ADAM11: variants seen among roughly 807,000 people sequenced by gnomAD.
The protein encoded by ADAM11 is ADAM metallopeptidase domain 11.
In ADAM11, 49 loss-of-function variants were observed where a neutral mutation model predicts 119.1. The ratio of observed to expected loss-of-function variants is 0.41; its 90% CI spans 0.33 to 0.52. ADAM11 has a LOEUF of 0.52. Ranked by LOEUF, ADAM11 falls within the 20% of genes least tolerant of loss-of-function variation. ADAM11 has a pLI of 0.20. For synonymous variants in ADAM11, 364 were observed against 408.0 expected, an observed-to-expected ratio of 0.89 and a Z score of 1.30; for missense variants, 777 against 1,047.5, an observed-to-expected ratio of 0.74 and a Z score of 3.56.
Position 44,777,166 on chromosome 17 carries a change from C to A in ADAM11, c.1682C>A (p.Ala561Glu), listed in dbSNP as rs369212131. The A allele has an allele frequency of 6.3e-7, 1 of 1,597,564 alleles. No homozygotes were observed. The highest frequency in any genetic ancestry group is 1.3e-5 in the African/African-American group (1 of 74,760). Residue 561 changes from alanine to glutamate, a missense_variant and splice_region_variant, in exon 21 of 27, where the codon GCG becomes GAG. Physicochemically the swap from Ala to Glu is moderately radical, Grantham distance 107 (BLOSUM62 -1). Transcript: ENST00000200557. The surrounding 1 kb of genome is among the most constrained non-coding windows in gnomAD (Gnocchi z 5.1). ...GTCACTTGGCATCCTCTCCCCACAG[C>A]GGCTGCTGATCGCTTCTGCTACGAG... Reference protein sequence around the residue: ...DRQCQVLWGHAAADRFCYEKL... With the variant: ...DRQCQVLWGHEAADRFCYEKL...
chr17:44,780,431 C>T lies in ADAM11; in HGVS notation c.*677C>T, dbSNP rs1030553904. 7 of 314,940 alleles carry T rather than the reference C, an allele frequency of 2.2e-5. No individual in the cohort carries two copies. In the Admixed American group the frequency reaches 3.5e-4, roughly 16 times the overall value. The allele number at this position is 314,940 out of a possible 1,614,324, so 19.5% of individuals were successfully genotyped here. Reference sequence around the variant, plus strand: ...GAGGAAGTATGAGTGCTGATTCAAACCAAAGCTGCCTGTGCCATGCCCAAG... The same window carrying T: ...GAGGAAGTATGAGTGCTGATTCAAATCAAAGCTGCCTGTGCCATGCCCAAG... On this transcript the variant is annotated 3_prime_UTR_variant, in exon 27 of 27. Transcript: ENST00000200557.
At chr17:44,760,031 G>T (rs572501986) in intron 2 of ADAM11, 134 bp downstream of exon 2, 3 of 930,222 alleles carry the variant, frequency 3.2e-6, no homozygotes, top group Non-Finnish European at 4.2e-6. Context: ...TGGGCTATCC[G>T]GTGGGTGCTG....
At chr17:44,774,049 C>T (rs1254833187) in intron 11 of ADAM11, among the ~76,000 whole-genome samples, 1 of 152,028 alleles carries the variant, frequency 6.6e-6, no homozygotes, top group East Asian at 1.9e-4. Flanking sequence ...TGAGATGGTG[C>T]CACTGCACTC....
In ADAM11 at chr17:44,772,965, G is replaced by C. The variant is rs752629348; in HGVS notation, c.753+34G>C. On this transcript the variant is annotated intron_variant, in intron 9 of 26. Coordinates refer to ENST00000200557, the MANE Select transcript of ADAM11 (RefSeq NM_002390.6). This position sits in a 1 kb window ranked among gnomAD's most constrained non-coding sequence, Gnocchi z 4.5. Reference sequence around the variant, plus strand: ...CAGGGCAGGGACAGGGCGTGACACTGGGAGGCCCCTGAGGAGCCTGGCCCT... The same window carrying C: ...CAGGGCAGGGACAGGGCGTGACACTCGGAGGCCCCTGAGGAGCCTGGCCCT... 1 of 1,614,074 alleles carries C rather than the reference G, an allele frequency of 6.2e-7. No homozygotes were observed. The highest frequency in any genetic ancestry group is 8.5e-7 in the Non-Finnish European group (1 of 1,179,952).
At position 44,779,807 on chromosome 17, in the gene ADAM11, C is replaced by T. The variant is rs143360647; in HGVS notation, c.*53C>T. ...CACCCACCGTCTCGGCCCTGAACCA[C>T]GAGGCTGCCCCCATCCAGCCACGGA... is the stretch of plus-strand genomic sequence containing the variant. On this transcript the variant is annotated 3_prime_UTR_variant, in exon 27 of 27. Transcript: ENST00000200557. 47,866 of 1,605,208 alleles carry T rather than the reference C, an allele frequency of 0.03. 842 individuals are homozygous for T. The highest frequency in any genetic ancestry group is 0.035 in the Non-Finnish European group (40,779 of 1,172,956).
At chr17:44,766,424 G>A (rs1432566286) in intron 2 of ADAM11, among the ~76,000 whole-genome samples, 1 of 152,222 alleles carries the variant, frequency 6.6e-6, no homozygotes, top group East Asian at 1.9e-4. Context: ...TTTTCTGTCT[G>A]CACCCCGCAT....
Position 44,759,198 on chromosome 17 carries a change from C to G in ADAM11, c.-2C>G. Reference sequence around the variant, plus strand: ...CCCCGGACCGGGAGGAATGAGCGAGCCATGAGGCTGCTGCGGCGCTGGGCG... The same window carrying G: ...CCCCGGACCGGGAGGAATGAGCGAGGCATGAGGCTGCTGCGGCGCTGGGCG... On this transcript the variant is annotated 5_prime_UTR_variant, in exon 1 of 27. Transcript: ENST00000200557. 1 of 1,411,246 alleles carries G rather than the reference C, an allele frequency of 7.1e-7. No homozygotes were observed. The highest frequency in any genetic ancestry group is 1.5e-5 in the African/African-American group (1 of 66,572). 87.4% of individuals were successfully genotyped at this position (1,411,246 alleles called of 1,614,324 possible).
intron 4 of ADAM11, 36 bp downstream of exon 4, chr17:44,770,084 G>C: frequency 6.2e-7 from 1 of 1,609,138 alleles, no homozygotes; most frequent in Non-Finnish European, 8.5e-7. Flanking sequence ...GCCGGGGATG[G>C]AAGGGAGGTG....
At chr17:44,759,426 T>G in intron 1 of ADAM11, 166 bp downstream of exon 1, 1 of 1,250,140 alleles carries the variant, frequency 8.0e-7, no homozygotes, top group South Asian at 3.1e-5. Flanking sequence ...TCCACCCACC[T>G]GTCCCCAGCT....
Position 44,771,630 on chromosome 17 carries a change from C to G in ADAM11, c.428C>G (p.Pro143Arg). ...CYYQGKLRGN[P>R]HSFAALSTCQ... ...TACCAGGGGAAGCTCCGGGGGAACC[C>G]GCACTCCTTCGCCGCCCTCTCCACC... The change falls in exon 5 of 27, where the codon CCG becomes CGG. Residue 143 changes from proline to arginine, a missense_variant. Pro to Arg is a moderately radical substitution (Grantham distance 103). This residue lies in a region of ADAM11 where 278 missense variants were observed against 310.1 expected (regional missense o/e 0.90). Transcript: ENST00000200557. The G allele has an allele frequency of 6.2e-7, 1 of 1,611,536 alleles. No homozygotes were observed. Among genetic ancestry groups the G allele is most frequent in the Non-Finnish European group, 8.5e-7 (1 of 1,179,350 alleles).
Position 44,769,989 on chromosome 17 carries a change from C to T in ADAM11, c.322C>T (p.Leu108Phe), listed in dbSNP as rs755443685. 3 of 1,614,026 alleles carry T rather than the reference C, an allele frequency of 1.9e-6. No individual in the cohort carries two copies. The East Asian group carries it at 6.7e-5, about 36-fold the overall frequency. ...CTGCCCCCTCTGTCTCAGCCACCTCCTCTCCTCGCAATACGTGGAGCGCCA... is the reference window on the plus strand; with the variant it reads ...CTGCCCCCTCTGTCTCAGCCACCTCTTCTCCTCGCAATACGTGGAGCGCCA... ...TLDLELNHHLLSSQYVERHFS... is the reference protein window; with the variant it reads ...TLDLELNHHLFSSQYVERHFS... Residue 108 changes from leucine to phenylalanine, a missense_variant, in exon 4 of 27, where the codon CTC (leucine) becomes TTC (phenylalanine). Around this residue, in one of 4 missense-constraint regions of ADAM11, gnomAD observed 278 missense variants for 310.1 expected, o/e 0.90. Coordinates refer to ENST00000200557, the MANE Select transcript of ADAM11 (RefSeq NM_002390.6).
Position 44,772,943 on chromosome 17 carries a change from G to A in ADAM11, c.753+12G>A. 2 of 1,614,148 alleles carry A rather than the reference G, an allele frequency of 1.2e-6. No individual in the cohort carries two copies. The highest frequency in any genetic ancestry group is 1.1e-5 in the South Asian group (1 of 91,088). ...ACGACCACCAGCTGGTGAGTGCCAG[G>A]GCAGGGACAGGGCGTGACACTGGGA... On this transcript the variant is annotated intron_variant, in intron 9 of 26. Coordinates refer to ENST00000200557, the MANE Select transcript of ADAM11 (RefSeq NM_002390.6). The surrounding 1 kb of genome is among the most constrained non-coding windows in gnomAD (Gnocchi z 4.5).
At chr17:44,778,860 A>C (rs2049647924) in intron 25 of ADAM11, among the ~76,000 whole-genome samples, 1 of 152,102 alleles carries the variant, frequency 6.6e-6, no homozygotes. Flanking sequence ...GGAGCTGGGC[A>C]GGGGCCACCC....
At chr17:44,771,544 G>A in intron 4 of ADAM11, 40 bp from the exon 5 acceptor site, 1 of 1,600,354 alleles carries the variant, frequency 6.2e-7, no homozygotes, top group South Asian at 1.1e-5. Flanking sequence ...GCTGCCCCCG[G>A]CCTCATGCCA....
chr17:44,776,918 G>C lies in ADAM11; in HGVS notation c.1637G>C (p.Arg546Pro). 1 of 1,613,310 alleles carries C rather than the reference G, an allele frequency of 6.2e-7. No individual in the cohort carries two copies. Residue 546 changes from arginine (R) to proline (P), a missense_variant, in exon 20 of 27, where the codon CGC (arginine) becomes CCC (proline). By Grantham distance (103) the Arg-to-Pro change is moderately radical. Coordinates refer to ENST00000200557, the MANE Select transcript of ADAM11 (RefSeq NM_002390.6). This position sits in a 1 kb window ranked among gnomAD's most constrained non-coding sequence, Gnocchi z 5.2. ...TCTCAGGGCCGCTGCTACGGAGGTC[G>C]CTGCAAAACCCGGGACCGGCAGTGC... Reference protein sequence around the residue: ...DHEQGRCYGGRCKTRDRQCQV... With the variant: ...DHEQGRCYGGPCKTRDRQCQV...
chr17:44,778,688 CAAAAAA>C (rs566515861), intron 25 of ADAM11, among the ~76,000 whole-genome samples: 166 of 52,414 alleles, frequency 3.2e-3, no homozygotes, highest in African/African-American at 0.011. Context: ...AAGACTGCGT[CAAAAAA>C]AAAAAAAAAA....
intron 2 of ADAM11, among the ~76,000 whole-genome samples, chr17:44,768,393 C>T (rs977315118): frequency 4.6e-5 from 7 of 152,160 alleles, no homozygotes; most frequent in African/African-American, 1.7e-4. Context: ...GTTGGTGCCC[C>T]CCTTGCTCCT....
chr17:44,775,521 G>A lies in ADAM11; in HGVS notation c.1392+56G>A. ...ACCGGGATGCGGGGGTGGGCACGAG[G>A]GAGCGTCTGAGTGGGAGGATTAGGG... On this transcript the variant is annotated intron_variant, in intron 16 of 26. Transcript: ENST00000200557. This position sits in a 1 kb window ranked among gnomAD's most constrained non-coding sequence, Gnocchi z 7.5. 1 of 1,574,270 alleles carries A rather than the reference G, an allele frequency of 6.4e-7. No individual in the cohort carries two copies. The highest frequency in any genetic ancestry group is 1.3e-5 in the African/African-American group (1 of 74,352).
At position 44,771,832 on chromosome 17, in the gene ADAM11, G is replaced by A; in HGVS notation, c.543+1G>A. The A allele has an allele frequency of 6.2e-7, 1 of 1,607,950 alleles. No individual in the cohort carries two copies. Among genetic ancestry groups the A allele is most frequent in the South Asian group, 1.1e-5 (1 of 90,924 alleles). ...GGCTGGACCTTGGGGAGCCCCTCAG[G>A]TAAGCCCCACACAACCCCTTGCCAT... On this transcript the variant is annotated splice_donor_variant, in intron 6 of 26. Coordinates refer to ENST00000200557, the MANE Select transcript of ADAM11 (RefSeq NM_002390.6). LOFTEE classifies it high-confidence loss of function.
Sources: allele counts gnomAD v4.1 joint callset (sites outside exome capture counted in the v4.1 genomes callset), GRCh38; gene constraint gnomAD v4.1.1; regional missense constraint gnomAD v4.1.1; non-coding constraint Gnocchi (gnomAD v3.1); transcripts MANE v1.5; gene names NCBI Gene and HGNC (gene_info 2026-07-23, HGNC 2026-07-21).